The following ERC2 variants were observed in gnomAD, a reference collection of about 807,000 sequenced individuals.
ERC2 encodes the protein ELKS/RAB6-interacting/CAST family member 2.
In ERC2, 42 loss-of-function variants were observed where a neutral mutation model predicts 114.8. The ratio of observed to expected loss-of-function variants is 0.37; its 90% confidence interval spans 0.29 to 0.47. The LOEUF (loss-of-function observed/expected upper bound fraction) is 0.47, where lower values mean the gene tolerates loss of function less well. Among genes scored for constraint, ERC2 ranks in the 20% least tolerant of loss-of-function variants. ERC2 has a pLI of 0.99. For missense variants in ERC2, 939 were observed against 1,150.7 expected (o/e 0.82, Z 2.66); for synonymous variants, 454 against 425.5 (o/e 1.07, Z -0.82).
chr3:56,164,709 C>T (rs111475062), intron 4 of ERC2, among the ~76,000 whole-genome samples: 340 of 152,118 alleles, frequency 2.2e-3, no homozygotes, highest in African/African-American at 7.8e-3. Flanking sequence ...TATGTTCCCA[C>T]CATCAACATA....
intron 3 of ERC2, among the ~76,000 whole-genome samples, chr3:56,220,893 G>A (rs2049857652): frequency 6.6e-6 from 1 of 152,002 alleles, no homozygotes; most frequent in Non-Finnish European, 1.5e-5. Flanking sequence ...TAGAAAGGAG[G>A]TTCTGATACT....
Position 55,682,368 on chromosome 3 carries a change from A to G in ERC2, c.*39+1426T>C, listed in dbSNP as rs113066005. Among the ~76,000 whole-genome samples, 345 of 152,290 alleles carry G rather than the reference A, an allele frequency of 2.3e-3. 1 individual carries two copies. Among genetic ancestry groups the G allele is most frequent in the Non-Finnish European group, 4.0e-3 (270 of 68,026 alleles). ...GGGAGAAGAGATGAGATACTTCTGT[A>G]TTAACATGAAGCAGGTTTTACTGGC... is the stretch of plus-strand genomic sequence containing the variant. On this transcript the variant is annotated intron_variant, in intron 17 of 17. Transcript: ENST00000288221.
At chr3:56,295,711 C>T (rs147020311) in intron 3 of ERC2, among the ~76,000 whole-genome samples, 205 of 152,244 alleles carry the variant, frequency 1.3e-3, no homozygotes, top group African/African-American at 4.8e-3. Context: ...TAGTACCATA[C>T]CTAAAAGACT....
chr3:55,743,062 CTGT>C (rs1319169880), intron 14 of ERC2, among the ~76,000 whole-genome samples: 1 of 152,212 alleles, frequency 6.6e-6, no homozygotes, highest in African/African-American at 2.4e-5. Context: ...GGTTTGCTCC[CTGT>C]TGCCCACCTA....
At chr3:56,110,421 C>T (rs1041245651) in intron 6 of ERC2, among the ~76,000 whole-genome samples, 6 of 152,088 alleles carry the variant, frequency 3.9e-5, no homozygotes, top group Non-Finnish European at 7.4e-5. Flanking sequence ...CAAGGGAAAT[C>T]ATGACACACA....
At chr3:55,972,351 C>A (rs761209515) in intron 12 of ERC2, among the ~76,000 whole-genome samples, 46 of 152,170 alleles carry the variant, frequency 3.0e-4, no homozygotes, top group Admixed American at 4.6e-4. Context: ...TGGTGGTTTG[C>A]TGCACCTATC....
At chr3:56,067,269 A>C (rs1351127984) in intron 7 of ERC2, among the ~76,000 whole-genome samples, 1 of 152,146 alleles carries the variant, frequency 6.6e-6, no homozygotes, top group Admixed American at 6.5e-5. Flanking sequence ...GAGGTCCTTC[A>C]CATCCCTTGT....
In ERC2 at chr3:56,019,046, C is replaced by A. The variant is rs929816722; in HGVS notation, c.1642-15G>T. ...AAGTTTTCAATCTAAAAATAAAAATCAATATTTTAATGCATATTTGATTAC... is the reference window on the plus strand; with the variant it reads ...AAGTTTTCAATCTAAAAATAAAAATAAATATTTTAATGCATATTTGATTAC... On this transcript the variant is annotated splice_polypyrimidine_tract_variant and intron_variant, in intron 7 of 17. Coordinates refer to ENST00000288221, the MANE Select transcript of ERC2 (RefSeq NM_015576.3). 1.3e-6 allele frequency: 2 copies of A among 1,588,114 alleles called. No individual in the cohort carries two copies. The highest frequency in any genetic ancestry group is 1.4e-5 in the African/African-American group (1 of 73,894).
Position 55,587,345 on chromosome 3 carries a change from C to T in ERC2, c.*40-76069G>A, listed in dbSNP as rs181125164. ...ATTTTGTATTTTTAGTGTCACTGCA[C>T]CCAGCCTGCTTCTTTCATCCAACAT... On this transcript the variant is annotated intron_variant, in intron 17 of 17. Transcript: ENST00000288221. 1.5e-3 allele frequency among the ~76,000 whole-genome samples: 231 copies of T among 152,240 alleles called. 3 individuals are homozygous for T. In the Middle Eastern group the frequency reaches 0.037, roughly 25 times the overall value.
chr3:56,125,995 T>C (rs947372821), intron 6 of ERC2, among the ~76,000 whole-genome samples: 3 of 152,214 alleles, frequency 2.0e-5, no homozygotes, highest in Non-Finnish European at 4.4e-5. Flanking sequence ...AATAATGTAA[T>C]GAACTCCATG....
chr3:55,704,774 G>GT (rs1281768993), intron 15 of ERC2, among the ~76,000 whole-genome samples: 1 of 152,238 alleles, frequency 6.6e-6, no homozygotes. Flanking sequence ...CTTTCTGGGA[G>GT]TATGTAAGAA....
chr3:55,684,628 C>A (rs1389629878), intron 16 of ERC2, among the ~76,000 whole-genome samples: 5 of 152,180 alleles, frequency 3.3e-5, no homozygotes, highest in Non-Finnish European at 5.9e-5. Context: ...TATGGATAAA[C>A]TGAAACTTCT....
intron 17 of ERC2, among the ~76,000 whole-genome samples, chr3:55,531,156 G>T (rs1336808785): frequency 6.6e-6 from 1 of 152,146 alleles, no homozygotes; most frequent in Non-Finnish European, 1.5e-5. Flanking sequence ...GGAAAGACTT[G>T]ATTATTAAGT....
At chr3:56,200,797 G>T (rs560767856) in intron 3 of ERC2, among the ~76,000 whole-genome samples, 23 of 152,220 alleles carry the variant, frequency 1.5e-4, no homozygotes, top group Non-Finnish European at 2.4e-4. Context: ...TCCATTAAAA[G>T]AAATTATGTC....
chr3:55,862,275 C>A (rs981635280), intron 14 of ERC2, among the ~76,000 whole-genome samples: 4 of 152,126 alleles, frequency 2.6e-5, no homozygotes, highest in African/African-American at 9.7e-5. Flanking sequence ...TTCATCTATG[C>A]AGAGTCTCTG....
At chr3:55,531,185 G>A (rs1211012852) in intron 17 of ERC2, among the ~76,000 whole-genome samples, 3 of 152,098 alleles carry the variant, frequency 2.0e-5, no homozygotes, top group African/African-American at 7.2e-5. Context: ...CACTCTAGGG[G>A]CCTTGGCCTG....
chr3:55,867,147 T>TGCTAAGTC (rs1353404002), intron 14 of ERC2, among the ~76,000 whole-genome samples: 23 of 151,892 alleles, frequency 1.5e-4, no homozygotes, highest in Non-Finnish European at 3.2e-4. Flanking sequence ...CTTCCTTCCT[T>TGCTAAGTC]CCTAAGTCCC....
At chr3:56,448,892 G>A (rs573036364) in intron 1 of ERC2, among the ~76,000 whole-genome samples, 5 of 152,130 alleles carry the variant, frequency 3.3e-5, no homozygotes, top group South Asian at 4.2e-4. Flanking sequence ...TGATTAACAC[G>A]GTGAAACCCC....
intron 1 of ERC2, among the ~76,000 whole-genome samples, chr3:56,457,099 A>G (rs1405156004): frequency 1.3e-5 from 2 of 152,240 alleles, no homozygotes; most frequent in Non-Finnish European, 1.5e-5. Context: ...GCTGTACACT[A>G]TGAATTACTT....
Sources: allele counts gnomAD v4.1 joint callset (sites outside exome capture counted in the v4.1 genomes callset), GRCh38; gene constraint gnomAD v4.1.1; transcripts MANE v1.5; gene names NCBI Gene and HGNC (gene_info 2026-07-23, HGNC 2026-07-21).